Variants in PCDHGB7 observed in about 807,000 individuals in gnomAD.
PCDHGB7 encodes the protein protocadherin gamma subfamily B, 7, also known as protocadherin gamma-B7.
PCDHGB7 carries 37 observed loss-of-function variants against 61.4 expected under a neutral mutation model. That is an observed-to-expected ratio of 0.60 (90% confidence interval 0.46 to 0.79). The LOEUF (loss-of-function observed/expected upper bound fraction) is 0.79, where lower values mean the gene tolerates loss of function less well. PCDHGB7 is among the 30% of genes least tolerant of loss of function. The probability of loss-of-function intolerance (pLI) is 0.00; values close to 1 mark genes in which losing one functional copy is unlikely to be tolerated. For synonymous variants in PCDHGB7, 464 were observed against 503.5 expected, an observed-to-expected ratio of 0.92 and a Z score of 1.05; for missense variants, 1,166 against 1,202.5, an observed-to-expected ratio of 0.97 and a Z score of 0.45.
intron 1 of PCDHGB7, among the ~76,000 whole-genome samples, chr5:141,481,063 C>T (rs2154578481): frequency 6.6e-6 from 1 of 151,952 alleles, no homozygotes; most frequent in Middle Eastern, 3.4e-3. Context: ...ACCTCAAAAA[C>T]AAAAAGAAAG....
Position 141,486,142 on chromosome 5 carries a change from C to T in PCDHGB7, c.2416-8665C>T. 6.2e-7 allele frequency: 1 copy of T among 1,614,200 alleles called. No homozygotes were observed. The highest frequency in any genetic ancestry group is 1.3e-5 in the African/African-American group (1 of 75,052). ...ACTATGAATTTGATGTGCGGGCTCG[C>T]GATGGGGGTTCTCCAGCCATGGAGC... On this transcript the variant is annotated intron_variant, in intron 1 of 3. Coordinates refer to ENST00000398594, the MANE Select transcript of PCDHGB7 (RefSeq NM_018927.4). This position sits in a 1 kb window ranked among gnomAD's most constrained non-coding sequence, Gnocchi z 5.0.
At chr5:141,507,120 T>TA (rs1256499995) in intron 3 of PCDHGB7, 2 of 152,206 alleles carry the variant, frequency 1.3e-5, no homozygotes, top group African/African-American at 4.8e-5. Context: ...TGGCTGCCTT[T>TA]GGATCCAGCC....
At chr5:141,426,423 G>T in intron 1 of PCDHGB7, 1 of 290,954 alleles carries the variant, frequency 3.4e-6, no homozygotes, top group Non-Finnish European at 6.8e-6. Context: ...AGGGCTCCGT[G>T]GTGGGGAACC....
chr5:141,502,866 C>CTT (rs549047197), intron 2 of PCDHGB7, among the ~76,000 whole-genome samples: 3 of 128,046 alleles, frequency 2.3e-5, no homozygotes, highest in Non-Finnish European at 3.2e-5. Flanking sequence ...GACTCTCTGT[C>CTT]TTTTTTTTTT....
chr5:141,484,949 A>C, intron 1 of PCDHGB7: 1 of 557,400 alleles, frequency 1.8e-6, no homozygotes, highest in Non-Finnish European at 3.2e-6. Context: ...TGCTCAGCCT[A>C]TTGGCTGAGC....
chr5:141,460,950 T>C (rs1458616371), intron 1 of PCDHGB7, among the ~76,000 whole-genome samples: 1 of 135,948 alleles, frequency 7.4e-6, no homozygotes, highest in East Asian at 2.0e-4. Flanking sequence ...ATATGTATTA[T>C]GTATATATAT....
intron 1 of PCDHGB7, among the ~76,000 whole-genome samples, chr5:141,445,746 TA>T (rs1486411811): frequency 2.0e-5 from 3 of 152,028 alleles, no homozygotes; most frequent in Non-Finnish European, 4.4e-5. Flanking sequence ...TTTTAAAAAA[TA>T]AAAGGTGTGA....
intron 1 of PCDHGB7, chr5:141,422,076 G>C (rs2096622180): frequency 1.2e-6 from 2 of 1,612,270 alleles, no homozygotes; most frequent in South Asian, 1.1e-5. Flanking sequence ...ATTCATTTCG[G>C]AACATGGAAA....
At chr5:141,427,857 G>T (rs746661329) in intron 1 of PCDHGB7, 2 of 1,554,576 alleles carry the variant, frequency 1.3e-6, no homozygotes, top group Admixed American at 3.3e-5. Flanking sequence ...GCAGCTGTGC[G>T]CCTTCGAGCT....
intron 1 of PCDHGB7, among the ~76,000 whole-genome samples, chr5:141,488,738 A>G (rs1462948813): frequency 1.3e-5 from 2 of 152,222 alleles, no homozygotes; most frequent in Non-Finnish European, 2.9e-5. Context: ...TTCTGAAGTC[A>G]TGCAGGAAGT....
At chr5:141,457,439 C>T (rs2098920819) in intron 1 of PCDHGB7, among the ~76,000 whole-genome samples, 1 of 152,194 alleles carries the variant, frequency 6.6e-6, no homozygotes, top group Non-Finnish European at 1.5e-5. Context: ...CACCAAGCTG[C>T]AGAAGATCAC....
intron 2 of PCDHGB7, among the ~76,000 whole-genome samples, chr5:141,497,540 C>CTT (rs754207034): frequency 2.8e-4 from 38 of 134,912 alleles, no homozygotes; most frequent in African/African-American, 8.9e-4. Context: ...TGCAACAAAC[C>CTT]TTTTTTTTTT....
At position 141,485,791 on chromosome 5, in the gene PCDHGB7, G is replaced by A; in HGVS notation, c.2416-9016G>A. The A allele has an allele frequency of 6.2e-7, 1 of 1,614,196 alleles. No homozygotes were observed. The highest frequency in any genetic ancestry group is 8.5e-7 in the Non-Finnish European group (1 of 1,180,032). ...AGCCTTTGGATCGAGAGAAGCAATC[G>A]GACTACCGCCTGGTGCTGACTGCTG... On this transcript the variant is annotated intron_variant, in intron 1 of 3. Transcript: ENST00000398594. The surrounding 1 kb of genome is among the most constrained non-coding windows in gnomAD (Gnocchi z 5.7).
chr5:141,439,638 C>T (rs1256973189), intron 1 of PCDHGB7, among the ~76,000 whole-genome samples: 2 of 152,184 alleles, frequency 1.3e-5, no homozygotes, highest in African/African-American at 4.8e-5. Context: ...GACATTCCGG[C>T]TTGGTGGCTT....
chr5:141,501,475 G>A (rs1305778190), intron 2 of PCDHGB7, among the ~76,000 whole-genome samples: 5 of 152,014 alleles, frequency 3.3e-5, no homozygotes, highest in Admixed American at 3.3e-4. Flanking sequence ...AATCCTGGAA[G>A]AGTCCCTCAT....
In PCDHGB7 at chr5:141,486,872, C is replaced by T. The variant is rs1320632059; in HGVS notation, c.2416-7935C>T. On this transcript the variant is annotated intron_variant, in intron 1 of 3. Transcript: ENST00000398594. The surrounding 1 kb of genome is among the most constrained non-coding windows in gnomAD (Gnocchi z 5.0). ...CAATGACAATGCTCCAGCTGTGCTC[C>T]GTCCTCGGGCCCGGCCTGGTTCCTT... The T allele has an allele frequency of 3.7e-6, 6 of 1,614,232 alleles. No individual in the cohort carries two copies. Among genetic ancestry groups the T allele is most frequent in the African/African-American group, 1.3e-5 (1 of 75,070 alleles).
Position 141,417,728 on chromosome 5 carries a change from T to A in PCDHGB7, c.-132T>A. 1 of 1,373,610 alleles carries A rather than the reference T, an allele frequency of 7.3e-7. No individual in the cohort carries two copies. The highest frequency in any genetic ancestry group is 9.6e-7 in the Non-Finnish European group (1 of 1,040,504). The allele number at this position is 1,373,610 out of a possible 1,614,324, so 85.1% of individuals were successfully genotyped here. On this transcript the variant is annotated 5_prime_UTR_variant, in exon 1 of 4. Transcript: ENST00000398594. ...CAGAGGCTCCCGGCTGCGCAGACCT[T>A]GCCCAGCACACCAGATTGCCAGCTC...
At chr5:141,460,842 C>T (rs1339558359) in intron 1 of PCDHGB7, among the ~76,000 whole-genome samples, 2 of 150,412 alleles carry the variant, frequency 1.3e-5, no homozygotes, top group African/African-American at 2.4e-5. Flanking sequence ...GTAATGGCCT[C>T]CAGTTCGATC....
intron 1 of PCDHGB7, chr5:141,423,091 G>A (rs1243671863): frequency 6.2e-7 from 1 of 1,613,908 alleles, no homozygotes; most frequent in Non-Finnish European, 8.5e-7. Flanking sequence ...CGCGGTGGGG[G>A]AGCACACGGG....
Sources: gnomAD v4.1 joint callset for allele counts (sites outside exome capture counted in the v4.1 genomes callset) on GRCh38, gnomAD v4.1.1 for gene constraint, Gnocchi (gnomAD v3.1) non-coding constraint, MANE v1.5 for transcripts, NCBI Gene and HGNC (gene_info 2026-07-23, HGNC 2026-07-21) for gene names.